Variants in DTNBP1 observed in about 807,000 individuals in gnomAD.
DTNBP1 encodes the protein dysbindin.
A neutral mutation model predicts 42.8 loss-of-function variants in DTNBP1; 35 were observed. The observed-to-expected ratio is 0.82, with a 90% CI of 0.63 to 1.09. The LOEUF is 1.09. Among genes scored for constraint, DTNBP1 ranks in the 50% least tolerant of loss-of-function variants. DTNBP1 has a pLI of 0.00. For synonymous variants in DTNBP1, 171 were observed against 162.2 expected (o/e 1.05, Z -0.41); for missense variants, 457 against 424.2 (o/e 1.08, Z -0.68).
intron 7 of DTNBP1, among the ~76,000 whole-genome samples, chr6:15,586,927 T>C (rs1448151457): frequency 6.6e-6 from 1 of 152,234 alleles, no homozygotes; most frequent in Non-Finnish European, 1.5e-5. Flanking sequence ...AGCTCTCTTC[T>C]CGTGCCTGTC....
intron 5 of DTNBP1, among the ~76,000 whole-genome samples, chr6:15,616,691 G>A (rs530248381): frequency 6.6e-6 from 1 of 152,274 alleles, no homozygotes; most frequent in South Asian, 2.1e-4. Flanking sequence ...ATTTAGGTTT[G>A]AGGCAAACTC....
chr6:15,534,488 C>T (rs1773091310), intron 7 of DTNBP1, among the ~76,000 whole-genome samples: 1 of 151,928 alleles, frequency 6.6e-6, no homozygotes, highest in African/African-American at 2.4e-5. Context: ...CGTAAAACCC[C>T]ATCTCTACTA....
chr6:15,527,637 C>T (rs184056932), intron 8 of DTNBP1, among the ~76,000 whole-genome samples: 7 of 151,968 alleles, frequency 4.6e-5, no homozygotes, highest in African/African-American at 1.5e-4. Flanking sequence ...GAAAGCGACA[C>T]TGAAGAGAAG....
intron 8 of DTNBP1, among the ~76,000 whole-genome samples, chr6:15,528,080 C>CCG: frequency 6.6e-6 from 1 of 152,202 alleles, no homozygotes; most frequent in Non-Finnish European, 1.5e-5. Flanking sequence ...CAGAAACTTA[C>CCG]TGCAATTCCG....
chr6:15,610,886 A>G (rs1266908323), intron 6 of DTNBP1, among the ~76,000 whole-genome samples: 1 of 152,278 alleles, frequency 6.6e-6, no homozygotes, highest in Non-Finnish European at 1.5e-5. Flanking sequence ...AGTCATCTCC[A>G]TAACAGCAAA....
chr6:15,579,744 G>A, intron 7 of DTNBP1: 3 of 376,652 alleles, frequency 8.0e-6, no homozygotes, highest in South Asian at 4.0e-5. Context: ...GGCGGAGGTT[G>A]TGGTGAGCTG....
At chr6:15,635,800 T>G (rs1247387915) in intron 4 of DTNBP1, among the ~76,000 whole-genome samples, 1 of 152,232 alleles carries the variant, frequency 6.6e-6, no homozygotes, top group East Asian at 1.9e-4. Flanking sequence ...TGCCTCAAAT[T>G]GCTGTTAAGC....
chr6:15,566,938 G>C (rs1775119216), intron 7 of DTNBP1, among the ~76,000 whole-genome samples: 1 of 152,100 alleles, frequency 6.6e-6, no homozygotes, highest in Non-Finnish European at 1.5e-5. Context: ...TGATTCGCCG[G>C]CCTCAGCCTC....
In DTNBP1 at chr6:15,529,267, A is replaced by G. The variant is rs886999081; in HGVS notation, c.667+3973T>C. ...GCCACTGCACTCCAGCCTGGGTGAC[A>G]GTGAGACTCCATCCTAAAACAAACA... is the stretch of plus-strand genomic sequence containing the variant. On this transcript the variant is annotated intron_variant, in intron 8 of 9. Coordinates refer to ENST00000344537, the MANE Select transcript of DTNBP1 (RefSeq NM_032122.5). 3.3e-5 allele frequency among the ~76,000 whole-genome samples: 5 copies of G among 152,198 alleles called. No homozygotes were observed. The East Asian group carries it at 7.7e-4, about 23-fold the overall frequency.
chr6:15,648,319 C>T lies in DTNBP1; in HGVS notation c.161+2994G>A, dbSNP rs140909721. On this transcript the variant is annotated intron_variant, in intron 3 of 9. Transcript: ENST00000344537. ...AGACTGAAAGCTTTTCCTGTAAGAT[C>T]AGGATCAAGACAAGGAACAAGACAA... Among the ~76,000 whole-genome samples the T allele has an allele frequency of 1.4e-3, 214 of 152,086 alleles. 1 individual carries two copies. The highest frequency in any genetic ancestry group is 4.9e-3 in the African/African-American group (203 of 41,532).
At chr6:15,541,172 C>A (rs915008163) in intron 7 of DTNBP1, among the ~76,000 whole-genome samples, 1 of 152,100 alleles carries the variant, frequency 6.6e-6, no homozygotes, top group Admixed American at 6.5e-5. Context: ...ACAAAGCGGG[C>A]ATTTAAAAAT....
At chr6:15,653,197 G>A (rs963767452) in intron 1 of DTNBP1, among the ~76,000 whole-genome samples, 1 of 152,246 alleles carries the variant, frequency 6.6e-6, no homozygotes, top group South Asian at 2.1e-4. Flanking sequence ...CATTAAAGAG[G>A]ATTTTGTATA....
intron 7 of DTNBP1, among the ~76,000 whole-genome samples, chr6:15,589,797 T>C (rs955623652): frequency 6.6e-6 from 1 of 152,216 alleles, no homozygotes; most frequent in Non-Finnish European, 1.5e-5. Context: ...TTTGGTATCA[T>C]AATGACTCCT....
At chr6:15,660,968 A>G (rs1761575496) in intron 1 of DTNBP1, among the ~76,000 whole-genome samples, 1 of 152,206 alleles carries the variant, frequency 6.6e-6, no homozygotes, top group Admixed American at 6.5e-5. Context: ...CTCTGAAAAG[A>G]AGGTACTTTT....
At chr6:15,642,040 T>C (rs1313092384) in intron 3 of DTNBP1, among the ~76,000 whole-genome samples, 3 of 152,140 alleles carry the variant, frequency 2.0e-5, no homozygotes, top group Non-Finnish European at 4.4e-5. Context: ...ACACACAGCG[T>C]ATTTCATGCA....
chr6:15,636,021 G>A (rs1759993867), intron 4 of DTNBP1, among the ~76,000 whole-genome samples: 2 of 152,112 alleles, frequency 1.3e-5, no homozygotes, highest in Non-Finnish European at 2.9e-5. Flanking sequence ...GTTTACTTGT[G>A]TGATTGCTAA....
intron 7 of DTNBP1, among the ~76,000 whole-genome samples, chr6:15,574,686 T>C (rs1475120143): frequency 2.0e-5 from 3 of 152,116 alleles, no homozygotes; most frequent in African/African-American, 7.2e-5. Flanking sequence ...CAAAAAACTT[T>C]TGTGGGGGAG....
intron 7 of DTNBP1, among the ~76,000 whole-genome samples, chr6:15,538,573 A>G (rs1773376659): frequency 1.3e-5 from 2 of 152,124 alleles, no homozygotes; most frequent in East Asian, 3.9e-4. Context: ...TTCATTTTAA[A>G]CTGTTATGTT....
chr6:15,573,696 T>C (rs7750932), intron 7 of DTNBP1, among the ~76,000 whole-genome samples: 2,112 of 152,194 alleles, frequency 0.014, 25 homozygotes, highest in Non-Finnish European at 0.022. Context: ...GTTTTCTGTT[T>C]TGTTTTGTTT....
Sources: allele counts gnomAD v4.1 joint callset (sites outside exome capture counted in the v4.1 genomes callset), GRCh38; gene constraint gnomAD v4.1.1; transcripts MANE v1.5; gene names NCBI Gene and HGNC (gene_info 2026-07-23, HGNC 2026-07-21).